The following NUP62CL variants were observed in gnomAD, a reference collection of about 807,000 sequenced individuals.
NUP62CL encodes nucleoporin-62 C-terminal-like protein.
Under a neutral mutation model 15.3 loss-of-function variants are expected in NUP62CL, and 13 were observed. The ratio of observed to expected loss-of-function variants is 0.85; its 90% CI spans 0.55 to 1.35. The LOEUF is 1.35. Ranked by LOEUF, NUP62CL falls within the 40% of genes most tolerant of loss-of-function variation. NUP62CL has a pLI of 0.00. For synonymous variants in NUP62CL, 54 were observed against 49.2 expected, an observed-to-expected ratio of 1.10 and a Z score of -0.41; for missense variants, 123 against 130.6, an observed-to-expected ratio of 0.94 and a Z score of 0.28.
chrX:107,133,755 T>C (rs1243783063), intron 8 of NUP62CL, among the ~76,000 whole-genome samples: 1 of 112,000 alleles, frequency 8.9e-6, no homozygotes, highest in Non-Finnish European at 1.9e-5. Flanking sequence ...CTGGCCAACA[T>C]GGTGAAACCC....
chrX:107,157,794 T>A (rs917933424), intron 4 of NUP62CL, among the ~76,000 whole-genome samples: 4 of 111,307 alleles, frequency 3.6e-5, no homozygotes, highest in Non-Finnish European at 5.7e-5. Context: ...ACTTTAAATG[T>A]AAATGGACTA....
At chrX:107,184,612 A>C (rs1927008896) in intron 2 of NUP62CL, among the ~76,000 whole-genome samples, 1 of 111,676 alleles carries the variant, frequency 9.0e-6, no homozygotes, top group African/African-American at 3.3e-5. Context: ...CCAAGGACTT[A>C]ACTTTCGTGT....
intron 1 of NUP62CL, among the ~76,000 whole-genome samples, chrX:107,204,872 ATTTAAATAAAT>A (rs1458049442): frequency 1.2e-5 from 1 of 80,905 alleles, no homozygotes; most frequent in Non-Finnish European, 2.1e-5. Context: ...TAAATAAATT[ATTTAAATAAAT>A]TTTAAATAAA....
At chrX:107,158,467 T>G (rs1273424191) in intron 4 of NUP62CL, among the ~76,000 whole-genome samples, 1 of 80,941 alleles carries the variant, frequency 1.2e-5, no homozygotes. Context: ...AACTCAGGAT[T>G]AAGAATCTCA....
At chrX:107,133,465 G>T in intron 8 of NUP62CL, among the ~76,000 whole-genome samples, 1 of 111,054 alleles carries the variant, frequency 9.0e-6, no homozygotes, top group East Asian at 2.8e-4. Context: ...CTCCTGAGTG[G>T]GTGGGACTGC....
intron 8 of NUP62CL, among the ~76,000 whole-genome samples, chrX:107,129,707 A>G (rs1277193067): frequency 8.9e-6 from 1 of 112,330 alleles, no homozygotes; most frequent in Non-Finnish European, 1.9e-5. Context: ...TTTTCAGTAT[A>G]TCATTCTTGA....
At chrX:107,168,446 C>T (rs1926566287) in intron 3 of NUP62CL, among the ~76,000 whole-genome samples, 3 of 111,947 alleles carry the variant, frequency 2.7e-5, no homozygotes, top group Admixed American at 1.9e-4. Flanking sequence ...TGTTACACCC[C>T]TATTAGAATG....
chrX:107,150,116 C>G (rs1208142096), intron 7 of NUP62CL, among the ~76,000 whole-genome samples: 1 of 111,482 alleles, frequency 9.0e-6, no homozygotes, highest in African/African-American at 3.3e-5. Flanking sequence ...CTCAAATAGT[C>G]AACCTAACAA....
intron 3 of NUP62CL, among the ~76,000 whole-genome samples, chrX:107,172,928 A>G (rs1470775289): frequency 9.0e-6 from 1 of 111,213 alleles, no homozygotes; most frequent in Non-Finnish European, 1.9e-5. Flanking sequence ...CTTAGCCCTA[A>G]AAGCCATAGA....
At chrX:107,183,161 C>A (rs1230762644) in intron 2 of NUP62CL, among the ~76,000 whole-genome samples, 1 of 112,004 alleles carries the variant, frequency 8.9e-6, no homozygotes, top group Non-Finnish European at 1.9e-5. Flanking sequence ...CCACTGTACT[C>A]CAGCCTGGGC....
At chrX:107,189,880 A>G (rs1020816922) in intron 2 of NUP62CL, among the ~76,000 whole-genome samples, 1 of 39,172 alleles carries the variant, frequency 2.6e-5, no homozygotes, top group African/African-American at 1.0e-4. Flanking sequence ...AAGAAAGAAA[A>G]GAAAGAAAGA....
At chrX:107,165,022 A>G (rs2012021503) in intron 4 of NUP62CL, among the ~76,000 whole-genome samples, 1 of 112,753 alleles carries the variant, frequency 8.9e-6, no homozygotes, top group African/African-American at 3.2e-5. Context: ...AATGGCGTGA[A>G]CCTGGGAGGC....
At chrX:107,145,380 T>C (rs984214544) in intron 8 of NUP62CL, among the ~76,000 whole-genome samples, 2 of 111,460 alleles carry the variant, frequency 1.8e-5, no homozygotes, top group African/African-American at 6.5e-5. Flanking sequence ...GGCTTCATTA[T>C]ATTCCATATT....
intron 7 of NUP62CL, among the ~76,000 whole-genome samples, chrX:107,149,650 ATG>A: frequency 8.9e-6 from 1 of 112,467 alleles, no homozygotes; most frequent in South Asian, 3.7e-4. Context: ...GGTAATGTGT[ATG>A]TAGATAAAGA....
chrX:107,148,627 G>A (rs903016104), intron 7 of NUP62CL, among the ~76,000 whole-genome samples: 4 of 111,437 alleles, frequency 3.6e-5, no homozygotes, highest in Admixed American at 9.5e-5. Flanking sequence ...AAAAAGACTA[G>A]AAAGAAATAC....
intron 8 of NUP62CL, among the ~76,000 whole-genome samples, chrX:107,127,377 T>C (rs1925414733): frequency 8.9e-6 from 1 of 112,027 alleles, no homozygotes; most frequent in Non-Finnish European, 1.9e-5. Flanking sequence ...GATTGTTTGA[T>C]GTCTGTACAA....
intron 3 of NUP62CL, 122 bp downstream of exon 3, chrX:107,174,967 A>G (rs1926749586): frequency 3.5e-6 from 2 of 576,663 alleles, no homozygotes; most frequent in Non-Finnish European, 5.8e-6. Context: ...GATATCAGCA[A>G]TTATAAATGG....
chrX:107,170,012 C>A (rs1267639892), intron 3 of NUP62CL, among the ~76,000 whole-genome samples: 3 of 110,045 alleles, frequency 2.7e-5, no homozygotes, highest in African/African-American at 9.9e-5. Context: ...GAGTTTGAGA[C>A]GAGCCTGGCC....
At chrX:107,137,503 C>T (rs1030551864) in intron 8 of NUP62CL, among the ~76,000 whole-genome samples, 5 of 111,488 alleles carry the variant, frequency 4.5e-5, no homozygotes, top group African/African-American at 9.8e-5. Flanking sequence ...GGAATCCACA[C>T]AAAAAAACCG....
Sources: gnomAD v4.1 joint callset for allele counts (sites outside exome capture counted in the v4.1 genomes callset) on GRCh38, gnomAD v4.1.1 for gene constraint, MANE v1.5 for transcripts, NCBI Gene and HGNC (gene_info 2026-07-23, HGNC 2026-07-21) for gene names.